The following KHK variants were observed in gnomAD, a reference collection of about 807,000 sequenced individuals.
The protein encoded by KHK is fructokinase.
A neutral mutation model predicts 36.0 loss-of-function variants in KHK; 37 were observed. The observed-to-expected ratio is 1.03, with a 90% CI of 0.79 to 1.35. KHK has a LOEUF of 1.35. Ranked by LOEUF, KHK falls within the 40% of genes most tolerant of loss-of-function variation. The probability of loss-of-function intolerance (pLI) is 0.00; values close to 1 mark genes in which losing one functional copy is unlikely to be tolerated. For synonymous variants in KHK, 161 were observed against 162.8 expected, an observed-to-expected ratio of 0.99 and a Z score of 0.08; for missense variants, 395 against 391.9, an observed-to-expected ratio of 1.01 and a Z score of -0.07.
Position 27,087,150 on chromosome 2 carries a change from G to T in KHK, c.-110G>T. 1.1e-6 allele frequency: 1 copy of T among 903,054 alleles called. No homozygotes were observed. The allele number at this position is 903,054 out of a possible 1,614,324, so 55.9% of individuals were successfully genotyped here. A position where few individuals can be genotyped will look rare whatever the true frequency, so the allele number is the denominator to read the frequency against. ...TCCCTGGAGGAGGAGCTCCCACGCG[G>T]AGGAGGAGCCAGGGCAGCTGGGAGC... On this transcript the variant is annotated 5_prime_UTR_variant, in exon 1 of 8. Coordinates refer to ENST00000260598, the MANE Select transcript of KHK (RefSeq NM_006488.3).
intron 2 of KHK, chr2:27,094,430 A>G (rs933725089): frequency 5.6e-6 from 9 of 1,608,922 alleles, no homozygotes; most frequent in Non-Finnish European, 6.8e-6. Flanking sequence ...CCAGTCCCCA[A>G]AACCCTTGTC....
intron 3 of KHK, among the ~76,000 whole-genome samples, chr2:27,095,793 G>A (rs1670298301): frequency 6.6e-6 from 1 of 152,246 alleles, no homozygotes; most frequent in Non-Finnish European, 1.5e-5. Context: ...GGCTTCATAT[G>A]TGCAGTGAGT....
intron 5 of KHK, 106 bp from the exon 6 acceptor site, chr2:27,099,090 A>T: frequency 1.1e-6 from 1 of 946,216 alleles, no homozygotes; most frequent in Non-Finnish European, 1.8e-6. Flanking sequence ...TTGGGGATCT[A>T]TGTGGACATG....
intron 3 of KHK, 105 bp downstream of exon 3, chr2:27,095,039 C>T: frequency 7.4e-7 from 1 of 1,345,882 alleles, no homozygotes; most frequent in Non-Finnish European, 1.1e-6. Context: ...TCTGTGGCTT[C>T]TGTGTACCAG....
intron 1 of KHK, 125 bp downstream of exon 1, chr2:27,087,476 C>T: frequency 3.0e-6 from 2 of 663,906 alleles, no homozygotes; most frequent in South Asian, 4.0e-5. Context: ...GCCGGACCCG[C>T]GCCCTCTACC....
At chr2:27,091,326 T>C (rs1004576737) in intron 1 of KHK, among the ~76,000 whole-genome samples, 14 of 152,030 alleles carry the variant, frequency 9.2e-5, no homozygotes, top group Admixed American at 7.2e-4. Flanking sequence ...TGGGCTCAAG[T>C]GATCCTCCTG....
chr2:27,094,657 A>G (rs1235915258), intron 2 of KHK, 143 bp from the exon 3 acceptor site: 7 of 1,613,822 alleles, frequency 4.3e-6, no homozygotes, highest in Non-Finnish European at 5.1e-6. Context: ...CGCCGCCACC[A>G]AAACTCCCAG....
Position 27,100,715 on chromosome 2 carries a change from T to G in KHK, c.*965T>G. The G allele has an allele frequency of 8.9e-6, 10 of 1,123,458 alleles. No homozygotes were observed. Among genetic ancestry groups the G allele is most frequent in the Non-Finnish European group, 1.1e-5 (10 of 881,408 alleles). The allele number at this position is 1,123,458 out of a possible 1,614,324, so 69.6% of individuals were successfully genotyped here. ...ATTCTGCTTGGCTACAGAATTATTGTGAGGATAAAATCATATATAAAATGC... is the reference window on the plus strand; with the variant it reads ...ATTCTGCTTGGCTACAGAATTATTGGGAGGATAAAATCATATATAAAATGC... On this transcript the variant is annotated 3_prime_UTR_variant, in exon 8 of 8. Transcript: ENST00000260598.
chr2:27,091,222 G>A (rs575461512), intron 1 of KHK, among the ~76,000 whole-genome samples: 5 of 152,002 alleles, frequency 3.3e-5, no homozygotes, highest in Non-Finnish European at 5.9e-5. Context: ...CTGGGACCAC[G>A]GGTATGCACC....
At chr2:27,095,262 G>T (rs982371711) in intron 3 of KHK, among the ~76,000 whole-genome samples, 4 of 152,194 alleles carry the variant, frequency 2.6e-5, no homozygotes, top group Non-Finnish European at 5.9e-5. Context: ...TGGGTGCGGG[G>T]AAACTGTTCT....
intron 1 of KHK, among the ~76,000 whole-genome samples, chr2:27,089,406 C>G (rs936366970): frequency 6.6e-6 from 1 of 152,198 alleles, no homozygotes; most frequent in Non-Finnish European, 1.5e-5. Flanking sequence ...CTCAGGGCAA[C>G]AGTGCAAATT....
intron 3 of KHK, among the ~76,000 whole-genome samples, chr2:27,096,092 A>G (rs1670315623): frequency 6.6e-6 from 1 of 152,204 alleles, no homozygotes; most frequent in Non-Finnish European, 1.5e-5. Flanking sequence ...GCTATAGTTA[A>G]GTGGAAGGAC....
intron 2 of KHK, among the ~76,000 whole-genome samples, chr2:27,093,046 G>A (rs1156897206): frequency 6.6e-6 from 1 of 152,220 alleles, no homozygotes; most frequent in Non-Finnish European, 1.5e-5. Flanking sequence ...GGCTGCTGCA[G>A]GGACCTCAGA....
In KHK at chr2:27,100,517, C is replaced by CT. The variant is rs1670756346; in HGVS notation, c.*767_*768insT. On this transcript the variant is annotated 3_prime_UTR_variant, in exon 8 of 8. Transcript: ENST00000260598. ...CTGGAACACATATTGGAATTGGGGC[C>CT]AACTCCAATATAGGGTGGGTAAGGC... 4.6e-6 allele frequency: 6 copies of CT among 1,290,658 alleles called. No individual in the cohort carries two copies. The highest frequency in any genetic ancestry group is 6.1e-6 in the Non-Finnish European group (6 of 988,784). 80.0% of individuals were successfully genotyped at this position (1,290,658 alleles called of 1,614,324 possible).
At chr2:27,096,885 A>T in intron 4 of KHK, 84 bp downstream of exon 4, 1 of 992,102 alleles carries the variant, frequency 1.0e-6, no homozygotes, top group Non-Finnish European at 1.6e-6. Context: ...TCTTTGAATC[A>T]TGAAGTACCT....
rs984987915 is a variant in KHK at position 27,097,788 on chromosome 2, T to C, written c.564+139T>C. The C allele has an allele frequency of 2.2e-5, 28 of 1,259,442 alleles. No homozygotes were observed. The African/African-American group carries it at 3.5e-4, about 16-fold the overall frequency. 78.0% of individuals were successfully genotyped at this position (1,259,442 alleles called of 1,614,324 possible). ...GGTGTTTGAAGATGGGGGATGGGGG[T>C]TAAAGCAAAGAAGTAGACCCCTAGC... On this transcript the variant is annotated intron_variant, in intron 5 of 7. Transcript: ENST00000260598.
intron 3 of KHK, among the ~76,000 whole-genome samples, chr2:27,095,289 G>A (rs1670268981): frequency 6.6e-6 from 1 of 152,198 alleles, no homozygotes; most frequent in African/African-American, 2.4e-5. Flanking sequence ...AGAAGGGTGG[G>A]AGATGGGATT....
At chr2:27,097,450 G>A (rs1423248959) in intron 4 of KHK, 53 bp from the exon 5 acceptor site, 3 of 1,609,498 alleles carry the variant, frequency 1.9e-6, no homozygotes, top group Non-Finnish European at 2.5e-6. Flanking sequence ...GAAGAATGAG[G>A]CAGATTGGCC....
At chr2:27,092,263 C>A in intron 1 of KHK, 69 bp from the exon 2 acceptor site, 1 of 1,152,648 alleles carries the variant, frequency 8.7e-7, no homozygotes, top group South Asian at 1.2e-5. Flanking sequence ...ATTCTGTAGG[C>A]CCCTATACAG....
Sources: allele counts gnomAD v4.1 joint callset (sites outside exome capture counted in the v4.1 genomes callset), GRCh38; gene constraint gnomAD v4.1.1; transcripts MANE v1.5; gene names NCBI Gene and HGNC (gene_info 2026-07-23, HGNC 2026-07-21).